Variants in CDH13 observed in about 807,000 individuals in gnomAD.
CDH13 encodes the protein cadherin 13, also known as cadherin-13.
Under a neutral mutation model 63.8 loss-of-function variants are expected in CDH13, and 24 were observed. The ratio of observed to expected loss-of-function variants is 0.38; its 90% CI spans 0.27 to 0.53. The LOEUF (loss-of-function observed/expected upper bound fraction) is 0.53. Ranked by LOEUF, CDH13 falls within the 20% of genes least tolerant of loss-of-function variation. The probability of loss-of-function intolerance (pLI) is 0.85; values close to 1 mark genes in which losing one functional copy is unlikely to be tolerated. For synonymous variants in CDH13, 503 were observed against 355.3 expected (o/e 1.42, Z -4.67); for missense variants, 1,049 against 903.1 (o/e 1.16, Z -2.07).
chr16:82,648,128 C>G (rs979940387), intron 1 of CDH13, among the ~76,000 whole-genome samples: 4 of 152,162 alleles, frequency 2.6e-5, no homozygotes, highest in African/African-American at 4.8e-5. Context: ...CATTAAAACT[C>G]TTTTTCTTTA....
At chr16:83,217,663 G>A (rs1208966334) in intron 5 of CDH13, among the ~76,000 whole-genome samples, 166 bp downstream of exon 5, 1 of 152,110 alleles carries the variant, frequency 6.6e-6, no homozygotes, top group African/African-American at 2.4e-5. Flanking sequence ...CCCTGACAGG[G>A]CAACAGTGGG....
At chr16:83,706,493 C>T (rs1907075158) in intron 10 of CDH13, among the ~76,000 whole-genome samples, 1 of 152,206 alleles carries the variant, frequency 6.6e-6, no homozygotes, top group South Asian at 2.1e-4. Context: ...GATTGGGAAT[C>T]AGAGGTACCT....
chr16:83,514,973 T>C (rs764157507), intron 7 of CDH13, among the ~76,000 whole-genome samples: 2 of 152,182 alleles, frequency 1.3e-5, no homozygotes, highest in Non-Finnish European at 1.5e-5. Flanking sequence ...TGTTTCTTGA[T>C]GGCGAAATGG....
intron 10 of CDH13, among the ~76,000 whole-genome samples, chr16:83,700,720 A>G (rs1567527876): frequency 2.6e-5 from 4 of 152,270 alleles, no homozygotes. Flanking sequence ...AGCAGCATAA[A>G]GAAGTAAATT....
intron 6 of CDH13, among the ~76,000 whole-genome samples, chr16:83,355,889 C>T (rs1426474066): frequency 6.6e-6 from 1 of 152,178 alleles, no homozygotes; most frequent in Admixed American, 6.5e-5. Flanking sequence ...ATTTTTCTAG[C>T]ACTATTATGT....
In CDH13 at chr16:82,644,503, G is replaced by A. The variant is rs1597204254; in HGVS notation, c.45+17366G>A. ...GTGACAAAGCCATTAGCCATGCACAGTGAAACAAGGAAAGCAGCCTAGAGC... is the reference window on the plus strand; with the variant it reads ...GTGACAAAGCCATTAGCCATGCACAATGAAACAAGGAAAGCAGCCTAGAGC... On this transcript the variant is annotated intron_variant, in intron 1 of 13. Transcript: ENST00000567109. This position sits in a 1 kb window ranked among gnomAD's most constrained non-coding sequence, Gnocchi z 5.7. Among the ~76,000 whole-genome samples the A allele has an allele frequency of 1.3e-5, 2 of 152,290 alleles. No homozygotes were observed. Among genetic ancestry groups the A allele is most frequent in the East Asian group, 3.9e-4 (2 of 5,182 alleles).
intron 4 of CDH13, among the ~76,000 whole-genome samples, chr16:83,131,182 A>AGCCCCCCCC: frequency 1.2e-5 from 1 of 86,352 alleles, no homozygotes; most frequent in African/African-American, 7.1e-5. Flanking sequence ...GGGGTGTATG[A>AGCCCCCCCC]CCCCCCCCCC....
chr16:83,693,669 A>T (rs1905105624), intron 10 of CDH13, among the ~76,000 whole-genome samples: 1 of 152,192 alleles, frequency 6.6e-6, no homozygotes, highest in Non-Finnish European at 1.5e-5. Context: ...CTGCTATTAA[A>T]TGTAGGAGTT....
chr16:82,678,215 C>T (rs568489516), intron 1 of CDH13, among the ~76,000 whole-genome samples: 19 of 151,454 alleles, frequency 1.3e-4, no homozygotes, highest in Non-Finnish European at 2.1e-4. Flanking sequence ...ATTTTCATCT[C>T]GGTATAGTTC....
At chr16:83,655,154 G>A (rs185680953) in intron 8 of CDH13, 7 of 152,352 alleles carry the variant, frequency 4.6e-5, no homozygotes, top group African/African-American at 9.6e-5. Context: ...GGCAAATCTT[G>A]TTGGCAAATC....
chr16:83,172,692 G>C (rs1430799506), intron 4 of CDH13, among the ~76,000 whole-genome samples: 1 of 151,964 alleles, frequency 6.6e-6, no homozygotes, highest in Admixed American at 6.6e-5. Context: ...ATCACTGTGA[G>C]ACAATCAATT....
At chr16:82,683,505 C>G (rs148955577) in intron 1 of CDH13, among the ~76,000 whole-genome samples, 157 of 152,330 alleles carry the variant, frequency 1.0e-3, no homozygotes, top group African/African-American at 3.5e-3. Flanking sequence ...TGAGCCTTCT[C>G]TTCCCTAATT....
At chr16:83,018,123 A>C (rs547881136) in intron 2 of CDH13, among the ~76,000 whole-genome samples, 1 of 152,348 alleles carries the variant, frequency 6.6e-6, no homozygotes, top group Admixed American at 6.5e-5. Flanking sequence ...TTCAAACCCC[A>C]GTTCTACAAG....
intron 10 of CDH13, among the ~76,000 whole-genome samples, chr16:83,682,409 T>C (rs1007981204): frequency 2.0e-5 from 3 of 152,168 alleles, no homozygotes; most frequent in Non-Finnish European, 4.4e-5. Context: ...CTTTAGCATC[T>C]AAAATCTCCA....
chr16:82,648,648 A>G (rs555831462), intron 1 of CDH13, among the ~76,000 whole-genome samples: 4 of 152,316 alleles, frequency 2.6e-5, no homozygotes, highest in African/African-American at 9.6e-5. Context: ...CCTAACTGCA[A>G]TTTTGTTCAT....
In CDH13 at chr16:83,409,250, G is replaced by A. The variant is rs13333138; in HGVS notation, c.781+64244G>A. Reference sequence around the variant, plus strand: ...ATAAGCTTCAGAGAAAGATATGGGAGCTGGGGAGTGGATATGCCAATCCCA... The same window carrying A: ...ATAAGCTTCAGAGAAAGATATGGGAACTGGGGAGTGGATATGCCAATCCCA... On this transcript the variant is annotated intron_variant, in intron 6 of 13. Coordinates refer to ENST00000567109, the MANE Select transcript of CDH13 (RefSeq NM_001257.5). Among the ~76,000 whole-genome samples, 1,124 of 152,202 alleles carry A rather than the reference G, an allele frequency of 7.4e-3. 15 individuals carry two copies. The highest frequency in any genetic ancestry group is 0.025 in the African/African-American group (1,054 of 41,532).
chr16:83,378,338 T>A (rs1229965306), intron 6 of CDH13, among the ~76,000 whole-genome samples: 1 of 152,216 alleles, frequency 6.6e-6, no homozygotes, highest in African/African-American at 2.4e-5. Flanking sequence ...TGTGGCCTCC[T>A]GTTCAGCGGA....
chr16:83,576,089 C>T (rs1159263519), intron 7 of CDH13, among the ~76,000 whole-genome samples: 2 of 152,352 alleles, frequency 1.3e-5, no homozygotes, highest in East Asian at 3.9e-4. Context: ...CATCCACCAC[C>T]TCCAGCTGGT....
chr16:83,051,517 A>G lies in CDH13; in HGVS notation c.366+19299A>G, dbSNP rs1330612672. Among the ~76,000 whole-genome samples, 5 of 152,352 alleles carry G rather than the reference A, an allele frequency of 3.3e-5. No individual in the cohort carries two copies. In the South Asian group the frequency reaches 1.0e-3, roughly 32 times the overall value. ...ATTTTTGCTTTCTTTGAGATCTGTA[A>G]TTAATCATGGTGAAAATAATGCTAC... is the stretch of plus-strand genomic sequence containing the variant. On this transcript the variant is annotated intron_variant, in intron 3 of 13. Coordinates refer to ENST00000567109, the MANE Select transcript of CDH13 (RefSeq NM_001257.5).
Sources: gnomAD v4.1 joint callset for allele counts (sites outside exome capture counted in the v4.1 genomes callset) on GRCh38, gnomAD v4.1.1 for gene constraint, Gnocchi (gnomAD v3.1) non-coding constraint, MANE v1.5 for transcripts, NCBI Gene and HGNC (gene_info 2026-07-23, HGNC 2026-07-21) for gene names.